Variants in RBFOX1 observed in about 807,000 individuals in gnomAD.
The protein encoded by RBFOX1 is RNA binding protein fox-1 homolog 1.
A neutral mutation model predicts 57.7 loss-of-function variants in RBFOX1; 8 were observed. That is an observed-to-expected ratio of 0.14 (90% CI 0.08 to 0.25). RBFOX1 has a LOEUF of 0.25. Ranked by LOEUF, RBFOX1 falls within the 10% of genes least tolerant of loss-of-function variation. The probability of loss-of-function intolerance (pLI) is 1.00; values close to 1 mark genes in which losing one functional copy is unlikely to be tolerated. For missense variants in RBFOX1, 611 were observed against 548.5 expected, an observed-to-expected ratio of 1.11 and a Z score of -1.14; for synonymous variants, 326 against 222.4, an observed-to-expected ratio of 1.47 and a Z score of -4.15.
chr16:6,321,155 C>G (rs2081740788), intron 2 of RBFOX1, among the ~76,000 whole-genome samples: 1 of 152,098 alleles, frequency 6.6e-6, no homozygotes, highest in Admixed American at 6.5e-5. Flanking sequence ...TCATGGGGTA[C>G]ATAGTGATGT....
At position 6,781,611 on chromosome 16, in the gene RBFOX1, G is replaced by A. The variant is rs376312521; in HGVS notation, c.-16+126961G>A. ...TACTTCTTTTATAGCATTACTTATT[G>A]ATTTATCCATGTTTACTATTATTTC... On this transcript the variant is annotated intron_variant, in intron 3 of 15. Transcript: ENST00000550418. 3.3e-5 allele frequency among the ~76,000 whole-genome samples: 5 copies of A among 152,044 alleles called. No homozygotes were observed. In the East Asian group the frequency reaches 7.7e-4, roughly 24 times the overall value.
At chr16:5,689,724 T>G (rs994804709) in intron 3 of RBFOX1, among the ~76,000 whole-genome samples, 2 of 152,080 alleles carry the variant, frequency 1.3e-5, no homozygotes, top group Non-Finnish European at 2.9e-5. Flanking sequence ...CAGGAACCTT[T>G]TAGGAACAAG....
chr16:6,450,754 CATATATATATGTGTATATATAT>C (rs2094573069), intron 2 of RBFOX1, among the ~76,000 whole-genome samples: 1 of 58,660 alleles, frequency 1.7e-5, no homozygotes, highest in African/African-American at 6.7e-5. Flanking sequence ...TATATATATA[CATATATATATGTGTATATATAT>C]ATATATATAT....
At chr16:6,822,105 C>T (rs779107767) in intron 3 of RBFOX1, among the ~76,000 whole-genome samples, 10 of 152,088 alleles carry the variant, frequency 6.6e-5, no homozygotes, top group Non-Finnish European at 1.3e-4. Context: ...TCTGCAGCTA[C>T]TGGGGGAGAC....
chr16:5,262,148 A>G (rs199700356), intron 1 of RBFOX1, among the ~76,000 whole-genome samples: 2 of 152,174 alleles, frequency 1.3e-5, no homozygotes, highest in Non-Finnish European at 2.9e-5. Flanking sequence ...GTTAAGAGGT[A>G]ACATTTGAAC....
intron 4 of RBFOX1, among the ~76,000 whole-genome samples, chr16:7,180,699 G>A (rs2082522742): frequency 8.3e-6 from 1 of 120,830 alleles, no homozygotes; most frequent in Middle Eastern, 3.8e-3. Context: ...CATTTCTACT[G>A]TAAGTTATTA....
chr16:7,041,955 A>C (rs1376834962), intron 3 of RBFOX1, among the ~76,000 whole-genome samples: 1 of 152,214 alleles, frequency 6.6e-6, no homozygotes, highest in Non-Finnish European at 1.5e-5. Context: ...TGCAGAGATT[A>C]TATAATATGG....
intron 2 of RBFOX1, among the ~76,000 whole-genome samples, chr16:6,433,740 T>G (rs2094158593): frequency 6.6e-6 from 1 of 152,092 alleles, no homozygotes; most frequent in Non-Finnish European, 1.5e-5. Context: ...GACTGCCACT[T>G]TCCTTGGCTC....
intron 4 of RBFOX1, among the ~76,000 whole-genome samples, chr16:7,366,415 C>T (rs1173035391): frequency 2.6e-5 from 4 of 152,106 alleles, no homozygotes; most frequent in African/African-American, 9.7e-5. Flanking sequence ...TATGGCTGAG[C>T]CGAGTTTGGC....
chr16:6,528,690 T>C (rs1233077532), intron 2 of RBFOX1, among the ~76,000 whole-genome samples: 2 of 151,744 alleles, frequency 1.3e-5, no homozygotes, highest in Non-Finnish European at 2.9e-5. Flanking sequence ...TAGGGCAGAG[T>C]TTCTCAACCA....
At chr16:7,285,628 A>G (rs1055656626) in intron 4 of RBFOX1, among the ~76,000 whole-genome samples, 1 of 152,038 alleles carries the variant, frequency 6.6e-6, no homozygotes, top group Non-Finnish European at 1.5e-5. Context: ...ATGGACCCAT[A>G]TAGTACCTGA....
intron 4 of RBFOX1, among the ~76,000 whole-genome samples, chr16:7,173,880 T>C (rs1335991235): frequency 6.6e-6 from 1 of 152,218 alleles, no homozygotes. Context: ...TAACCTATTA[T>C]GCTCAGTGGT....
intron 4 of RBFOX1, among the ~76,000 whole-genome samples, chr16:7,054,542 G>GGGT (rs200853508): frequency 0.011 from 1,578 of 139,064 alleles, 132 homozygotes; most frequent in Non-Finnish European, 0.016. Flanking sequence ...CGCCAAACCT[G>GGGT]GGTGGGGGGG....
chr16:7,289,605 C>T (rs2095720883), intron 4 of RBFOX1, among the ~76,000 whole-genome samples: 1 of 152,208 alleles, frequency 6.6e-6, no homozygotes, highest in Middle Eastern at 3.4e-3. Flanking sequence ...TCACTTTCAT[C>T]ATAGTCATCA....
intron 3 of RBFOX1, among the ~76,000 whole-genome samples, chr16:6,919,210 T>C (rs892799861): frequency 3.3e-5 from 5 of 152,090 alleles, no homozygotes; most frequent in Non-Finnish European, 7.4e-5. Context: ...CTTGAACTCC[T>C]GACCTCAGGT....
intron 4 of RBFOX1, among the ~76,000 whole-genome samples, chr16:7,483,779 G>C (rs948518949): frequency 6.6e-6 from 1 of 152,304 alleles, no homozygotes; most frequent in Non-Finnish European, 1.5e-5. Flanking sequence ...AGCCAGGCCT[G>C]GGAATAATTA....
intron 3 of RBFOX1, among the ~76,000 whole-genome samples, chr16:6,661,449 T>C (rs955738441): frequency 2.0e-5 from 3 of 152,070 alleles, no homozygotes; most frequent in African/African-American, 7.2e-5. Flanking sequence ...AGGTAGCAGG[T>C]TATGGAGGGA....
intron 3 of RBFOX1, among the ~76,000 whole-genome samples, chr16:6,947,612 A>G (rs2153516618): frequency 6.6e-6 from 1 of 152,340 alleles, no homozygotes; most frequent in Admixed American, 6.5e-5. Flanking sequence ...CGTAGAAGGA[A>G]AACTGTTCCT....
chr16:7,507,691 G>A (rs1485079221), intron 4 of RBFOX1, among the ~76,000 whole-genome samples: 2 of 148,904 alleles, frequency 1.3e-5, no homozygotes, highest in Non-Finnish European at 3.0e-5. Context: ...AACCTCCCAA[G>A]TAGCTGGGAC....
Sources: gnomAD v4.1 joint callset for allele counts (sites outside exome capture counted in the v4.1 genomes callset) on GRCh38, gnomAD v4.1.1 for gene constraint, MANE v1.5 for transcripts, NCBI Gene and HGNC (gene_info 2026-07-23, HGNC 2026-07-21) for gene names.